Variants in TOR1A observed in about 807,000 individuals in gnomAD.
The protein encoded by TOR1A is torsin-1A.
A neutral mutation model predicts 31.4 loss-of-function variants in TOR1A; 18 were observed. The ratio of observed to expected loss-of-function variants is 0.57; its 90% CI spans 0.40 to 0.85. TOR1A has a LOEUF of 0.85. TOR1A is among the 40% of genes least tolerant of loss of function. The probability of loss-of-function intolerance (pLI) is 0.00; values close to 1 mark genes in which losing one functional copy is unlikely to be tolerated. For missense variants in TOR1A, 375 were observed against 416.4 expected, an observed-to-expected ratio of 0.90 and a Z score of 0.87; for synonymous variants, 168 against 165.9, an observed-to-expected ratio of 1.01 and a Z score of -0.10.
chr9:129,822,472 G>A (rs777563462), intron 2 of TOR1A, 109 bp downstream of exon 2: 1 of 1,464,064 alleles, frequency 6.8e-7, no homozygotes, highest in South Asian at 1.2e-5. Flanking sequence ...GACATGAACC[G>A]TTTTCCGGGC....
chr9:129,818,642 G>A lies in TOR1A; in HGVS notation c.626C>T (p.Ala209Val). ...QKAMFIFLSN[A>V]GAERITDVAL... is the part of the protein sequence containing the mutation. Reference sequence around the variant, plus strand: ...CACATCTGTGATCCTTTCTGCTCCAGCATTGCTGCAAAACAATCCCAGTGG... The same window carrying A: ...CACATCTGTGATCCTTTCTGCTCCAACATTGCTGCAAAACAATCCCAGTGG... Residue 209 changes from alanine (A) to valine (V), a missense_variant, in exon 4 of 5, where the codon GCT (alanine) becomes GTT (valine). Coordinates refer to ENST00000351698, the MANE Select transcript of TOR1A (RefSeq NM_000113.3). The A allele has an allele frequency of 6.2e-7, 1 of 1,614,226 alleles. No homozygotes were observed. Among genetic ancestry groups the A allele is most frequent in the Non-Finnish European group, 8.5e-7 (1 of 1,180,050 alleles).
At chr9:129,817,121 A>G (rs1410248693) in intron 4 of TOR1A, among the ~76,000 whole-genome samples, 1 of 152,232 alleles carries the variant, frequency 6.6e-6, no homozygotes, top group Non-Finnish European at 1.5e-5. Flanking sequence ...TTTTAGAATC[A>G]GAGATACCGA....
At position 129,824,132 on chromosome 9, in the gene TOR1A, G is replaced by C. The variant is rs1300140766; in HGVS notation, c.-47C>G. 6 of 1,535,978 alleles carry C rather than the reference G, an allele frequency of 3.9e-6. No homozygotes were observed. In the East Asian group the frequency reaches 9.8e-5, roughly 25 times the overall value. On this transcript the variant is annotated 5_prime_UTR_variant, in exon 1 of 5. Transcript: ENST00000351698. ...CTTGTTCTCGCGCCGACCGCGAACC[G>C]GTGCAGCCGCCAGACCCACGCTTCC...
chr9:129,817,879 T>C (rs1050263306), intron 4 of TOR1A, among the ~76,000 whole-genome samples: 1 of 140,122 alleles, frequency 7.1e-6, no homozygotes, highest in East Asian at 2.1e-4. Flanking sequence ...TAGCCAGGCA[T>C]GGTGGCGCAA....
rs750414624 is a variant in TOR1A, at chr9:129,822,619, A to G, written c.406T>C (p.Leu136=). The change falls in exon 2 of 5, where the codon TTG becomes CTG. Residue 136 remains leucine (L), a synonymous_variant. Coordinates refer to ENST00000351698, the MANE Select transcript of TOR1A (RefSeq NM_000113.3). The part of the protein sequence containing the change: ...SDYVHLFVAT[L]HFPHASNITL... Reference sequence around the variant, plus strand: ...ATGTTTGAAGCATGTGGAAAGTGCAATGTGGCCACAAACAGGTGGACATAG... The same window carrying G: ...ATGTTTGAAGCATGTGGAAAGTGCAGTGTGGCCACAAACAGGTGGACATAG... 6.2e-6 allele frequency: 10 copies of G among 1,614,076 alleles called. No homozygotes were observed. Among genetic ancestry groups the G allele is most frequent in the African/African-American group, 4.0e-5 (3 of 74,916 alleles).
chr9:129,817,915 G>A (rs1461033848), intron 4 of TOR1A, among the ~76,000 whole-genome samples: 2 of 150,940 alleles, frequency 1.3e-5, no homozygotes, highest in Admixed American at 1.3e-4. Flanking sequence ...TACATGGGAA[G>A]CTGAGGCTGG....
intron 4 of TOR1A, among the ~76,000 whole-genome samples, chr9:129,815,980 C>T (rs1268951656): frequency 2.6e-5 from 4 of 152,056 alleles, no homozygotes; most frequent in Admixed American, 6.5e-5. Flanking sequence ...GTGAAGGCCC[C>T]GTCAGATCAC....
In TOR1A at chr9:129,813,739, G is replaced by C; in HGVS notation, c.*233C>G. ...CCTGCGATGAGTGGGCTGGGAGCTG[G>C]CTCCTTCCTTCTGTGCGTGTTCGGG... On this transcript the variant is annotated 3_prime_UTR_variant, in exon 5 of 5. Transcript: ENST00000351698. The C allele has an allele frequency of 6.6e-6, 4 of 606,542 alleles. No homozygotes were observed. The East Asian group carries it at 1.1e-4, about 17-fold the overall frequency. 37.6% of individuals were successfully genotyped at this position (606,542 alleles called of 1,614,324 possible). A position where few individuals can be genotyped will look rare whatever the true frequency, so the allele number is the denominator to read the frequency against.
intron 2 of TOR1A, chr9:129,822,332 C>T: frequency 3.8e-6 from 2 of 530,296 alleles, no homozygotes; most frequent in South Asian, 4.0e-5. Context: ...TGATCATGTC[C>T]ACCTCTAAAA....
chr9:129,817,897 G>A (rs569740057), intron 4 of TOR1A, among the ~76,000 whole-genome samples: 2 of 151,044 alleles, frequency 1.3e-5, no homozygotes, highest in South Asian at 4.2e-4. Context: ...CAAGCCTGTG[G>A]TTCCACCTAC....
chr9:129,818,084 A>G (rs1216992931), intron 4 of TOR1A, among the ~76,000 whole-genome samples: 1 of 152,092 alleles, frequency 6.6e-6, no homozygotes, highest in Non-Finnish European at 1.5e-5. Context: ...AGGTGGGCGG[A>G]TCACCTGAGG....
At chr9:129,823,847 C>A in intron 1 of TOR1A, 61 bp downstream of exon 1, 1 of 1,529,870 alleles carries the variant, frequency 6.5e-7, no homozygotes, top group South Asian at 1.2e-5. Flanking sequence ...CCTAGTTCAG[C>A]CCTAGTGCCA....
At position 129,822,705 on chromosome 9, in the gene TOR1A, C is replaced by T. The variant is rs2031214496; in HGVS notation, c.320G>A (p.Gly107Asp). Residue 107 changes from glycine (G) to aspartate (D), a missense_variant, in exon 2 of 5, where the codon GGC becomes GAC. Transcript: ENST00000351698. The part of the protein sequence containing the change: ...TLSLHGWTGT[G>D]KNFVSKIIAE... ...GATGATCTTGCTGACGAAATTTTTG[C>T]CGGTGCCTGTCCACCCGTGCAGGGA... The T allele has an allele frequency of 1.2e-6, 2 of 1,614,050 alleles. No individual in the cohort carries two copies. The highest frequency in any genetic ancestry group is 1.3e-5 in the African/African-American group (1 of 74,914).
At chr9:129,815,908 C>A (rs531251871) in intron 4 of TOR1A, among the ~76,000 whole-genome samples, 1 of 152,150 alleles carries the variant, frequency 6.6e-6, no homozygotes, top group Non-Finnish European at 1.5e-5. Context: ...ACCGCTTCCA[C>A]GCTGGGCTCC....
chr9:129,816,981 G>A (rs1374327667), intron 4 of TOR1A, among the ~76,000 whole-genome samples: 1 of 152,210 alleles, frequency 6.6e-6, no homozygotes, highest in Non-Finnish European at 1.5e-5. Context: ...TGAACAGCCA[G>A]CCCTGCACAA....
intron 4 of TOR1A, 82 bp from the exon 5 acceptor site, chr9:129,814,304 C>T: frequency 6.2e-7 from 1 of 1,603,104 alleles, no homozygotes; most frequent in Non-Finnish European, 8.5e-7. Flanking sequence ...CTTACCTACC[C>T]TCCCATCCGT....
Position 129,814,184 on chromosome 9 carries a change from T to A in TOR1A, c.787A>T (p.Ile263Phe). 6.2e-7 allele frequency: 1 copy of A among 1,614,098 alleles called. No individual in the cohort carries two copies. The highest frequency in any genetic ancestry group is 8.5e-7 in the Non-Finnish European group (1 of 1,180,018). ...WHSSLIDRNLIDYFVPFLPLE... is the reference protein window; with the variant it reads ...WHSSLIDRNLFDYFVPFLPLE... ...GGGAGGAAGGGAACAAAATAATCAA[T>A]GAGGTTCCGGTCAATTAAGCTGCTG... is the stretch of plus-strand genomic sequence containing the variant. Residue 263 changes from isoleucine to phenylalanine, a missense_variant, in exon 5 of 5, where the codon ATT becomes TTT. By Grantham distance (21) the Ile-to-Phe change is conservative. Coordinates refer to ENST00000351698, the MANE Select transcript of TOR1A (RefSeq NM_000113.3).
chr9:129,813,988 TAA>T lies in TOR1A; in HGVS notation c.981_982del (p.Asp327GlufsTer5). 6.2e-7 allele frequency: 1 copy of T among 1,614,178 alleles called. No homozygotes were observed. The highest frequency in any genetic ancestry group is 8.5e-7 in the Non-Finnish European group (1 of 1,180,040). On this transcript the variant is annotated frameshift_variant, in exon 5 of 5. Coordinates refer to ENST00000351698, the MANE Select transcript of TOR1A (RefSeq NM_000113.3). LOFTEE classifies it high-confidence loss of function. ...TCATGACTGTCAATCATCGTAGTAA[TAA>T]TCTAACTTGGTGAACACCGTTTTGC...
intron 2 of TOR1A, chr9:129,821,650 C>T (rs34429226): frequency 0.23 from 34,892 of 151,338 alleles, 4,079 homozygotes; most frequent in Middle Eastern, 0.24. Context: ...TCCTAGCACT[C>T]TGGGAGGCTG....
Sources: gnomAD v4.1 joint callset for allele counts (sites outside exome capture counted in the v4.1 genomes callset) on GRCh38, gnomAD v4.1.1 for gene constraint, MANE v1.5 for transcripts, NCBI Gene and HGNC (gene_info 2026-07-23, HGNC 2026-07-21) for gene names.